Variants in MAGI2 observed in about 807,000 individuals in gnomAD.
MAGI2 encodes the protein membrane-associated guanylate kinase, WW and PDZ domain-containing protein 2.
A neutral mutation model predicts 133.3 loss-of-function variants in MAGI2; 35 were observed. The observed-to-expected ratio is 0.26, with a 90% CI of 0.20 to 0.35. The LOEUF (loss-of-function observed/expected upper bound fraction) is 0.35. MAGI2 is among the 10% of genes least tolerant of loss of function. The pLI is 1.00. For missense variants in MAGI2, 1,636 were observed against 1,863.4 expected (o/e 0.88, Z 2.25); for synonymous variants, 729 against 710.6 (o/e 1.03, Z -0.41).
intron 3 of MAGI2, among the ~76,000 whole-genome samples, chr7:78,587,937 T>C (rs1803593550): frequency 6.6e-6 from 1 of 152,360 alleles, no homozygotes; most frequent in African/African-American, 2.4e-5. Flanking sequence ...ACAAGATGGA[T>C]GTCTTGAAGA....
At chr7:78,280,894 G>A (rs1795504006) in intron 9 of MAGI2, among the ~76,000 whole-genome samples, 1 of 148,610 alleles carries the variant, frequency 6.7e-6, no homozygotes, top group African/African-American at 2.5e-5. Context: ...GCACAGCTCT[G>A]AAGCGTGTTG....
intron 2 of MAGI2, among the ~76,000 whole-genome samples, chr7:78,773,825 C>T (rs1256931808): frequency 6.6e-6 from 1 of 152,274 alleles, no homozygotes; most frequent in Non-Finnish European, 1.5e-5. Flanking sequence ...TGTGCTTCAT[C>T]TGAGATGTAA....
At position 79,453,661 on chromosome 7, in the gene MAGI2, C is replaced by T; in HGVS notation, c.-341G>A. 8.5e-6 allele frequency: 1 copy of T among 117,888 alleles called. No homozygotes were observed. Among genetic ancestry groups the T allele is most frequent in the South Asian group, 2.2e-4 (1 of 4,534 alleles). The allele number at this position is 117,888 out of a possible 1,614,324, so 7.3% of individuals were successfully genotyped here. On this transcript the variant is annotated 5_prime_UTR_variant, in exon 1 of 22. Transcript: ENST00000354212. ...AGCGAGCAGTAGCCGAGCTGGTGAG[C>T]GGGTGTGGTGGGGGTGGGGAAGGAG... is the stretch of plus-strand genomic sequence containing the variant.
intron 1 of MAGI2, among the ~76,000 whole-genome samples, chr7:79,265,440 C>A (rs991582769): frequency 1.3e-5 from 2 of 152,110 alleles, no homozygotes; most frequent in African/African-American, 4.8e-5. Flanking sequence ...CAAAGCAAAT[C>A]ATTATTAATA....
intron 20 of MAGI2, among the ~76,000 whole-genome samples, chr7:78,119,548 G>A (rs1820215107): frequency 9.6e-6 from 1 of 104,072 alleles, no homozygotes. Context: ...GTGACAGAGT[G>A]AGACTCCTCA....
chr7:78,355,566 T>G (rs1791988411), intron 7 of MAGI2, among the ~76,000 whole-genome samples: 1 of 152,238 alleles, frequency 6.6e-6, no homozygotes, highest in Non-Finnish European at 1.5e-5. Context: ...AAACATTTTC[T>G]GCAGATCTTA....
intron 1 of MAGI2, among the ~76,000 whole-genome samples, chr7:79,007,812 A>C (rs1807605484): frequency 6.6e-6 from 1 of 152,100 alleles, no homozygotes; most frequent in South Asian, 2.1e-4. Flanking sequence ...TACTCCTTTT[A>C]TGCAATAAAT....
chr7:78,481,573 C>G (rs1443775437), intron 6 of MAGI2, among the ~76,000 whole-genome samples: 2 of 151,724 alleles, frequency 1.3e-5, no homozygotes, highest in Non-Finnish European at 2.9e-5. Flanking sequence ...AAAATCAAGA[C>G]AGTGTGGTAC....
At chr7:78,231,657 G>T (rs1216464382) in intron 10 of MAGI2, among the ~76,000 whole-genome samples, 1 of 152,090 alleles carries the variant, frequency 6.6e-6, no homozygotes, top group South Asian at 2.1e-4. Flanking sequence ...CCTCAAGTTT[G>T]CTAACATAAA....
rs55784786 is a variant in MAGI2 at position 78,741,376 on chromosome 7, A to AACACAC, written c.419-114143_419-114138dup. 2.5e-3 allele frequency among the ~76,000 whole-genome samples: 297 copies of AACACAC among 117,534 alleles called. 4 individuals carry two copies. Among genetic ancestry groups the AACACAC allele is most frequent in the Middle Eastern group, 8.0e-3 (2 of 250 alleles). 77.1% of individuals were successfully genotyped at this position (117,534 alleles called of 152,430 possible). A position where few individuals can be genotyped will look rare whatever the true frequency, so the allele number is the denominator to read the frequency against. Reference sequence around the variant, plus strand: ...TGGAGGAATAGAAGAAAAAAGTTGAAACACACACACACACACACACACACA... The same window carrying AACACAC: ...TGGAGGAATAGAAGAAAAAAGTTGAAACACACACACACACACACACACACACACACA... On this transcript the variant is annotated intron_variant, in intron 2 of 21. Transcript: ENST00000354212.
intron 2 of MAGI2, among the ~76,000 whole-genome samples, chr7:78,682,504 AT>A (rs1815794920): frequency 6.6e-6 from 1 of 152,114 alleles, no homozygotes; most frequent in Non-Finnish European, 1.5e-5. Flanking sequence ...TTTGCTGAGA[AT>A]TATGGTTTCC....
intron 6 of MAGI2, among the ~76,000 whole-genome samples, chr7:78,423,236 G>C (rs1798961276): frequency 6.6e-6 from 1 of 152,092 alleles, no homozygotes; most frequent in South Asian, 2.1e-4. Flanking sequence ...AGCCTCACGA[G>C]ATCTGATGGT....
chr7:78,979,057 CAA>C (rs1173905895), intron 2 of MAGI2, among the ~76,000 whole-genome samples: 2 of 151,818 alleles, frequency 1.3e-5, no homozygotes, highest in African/African-American at 2.4e-5. Context: ...AGTAAAAACT[CAA>C]GTTTCATTTA....
chr7:78,507,831 G>A (rs934013301), intron 4 of MAGI2, among the ~76,000 whole-genome samples: 1 of 152,206 alleles, frequency 6.6e-6, no homozygotes, highest in Non-Finnish European at 1.5e-5. Context: ...AAGCTAGGCA[G>A]TGTACAGTCA....
chr7:78,444,789 C>T (rs1787968581), intron 6 of MAGI2, among the ~76,000 whole-genome samples: 1 of 149,162 alleles, frequency 6.7e-6, no homozygotes, highest in Non-Finnish European at 1.5e-5. Context: ...ACTGTATATA[C>T]ACATATATAT....
intron 20 of MAGI2, among the ~76,000 whole-genome samples, chr7:78,090,791 G>A (rs1463715539): frequency 6.6e-6 from 1 of 152,204 alleles, no homozygotes; most frequent in Non-Finnish European, 1.5e-5. Flanking sequence ...ACCAGCTGAG[G>A]AAGACACAGC....
chr7:78,693,019 G>A lies in MAGI2; in HGVS notation c.419-65780C>T, dbSNP rs1817130168. Among the ~76,000 whole-genome samples, 7 of 152,246 alleles carry A rather than the reference G, an allele frequency of 4.6e-5. No individual in the cohort carries two copies. In the South Asian group the frequency reaches 1.5e-3, roughly 32 times the overall value. ...CGCATCAGAGATCAGTATCTAGTGA[G>A]CAACATGTACGGTGAAAATCTGAAA... is the stretch of plus-strand genomic sequence containing the variant. On this transcript the variant is annotated intron_variant, in intron 2 of 21. Coordinates refer to ENST00000354212, the MANE Select transcript of MAGI2 (RefSeq NM_012301.4).
chr7:79,400,600 G>A (rs929815485), intron 1 of MAGI2, among the ~76,000 whole-genome samples: 2 of 152,078 alleles, frequency 1.3e-5, no homozygotes, highest in African/African-American at 4.8e-5. Context: ...TTCCTTAACT[G>A]ATTTTCAGAA....
At chr7:78,367,491 G>A (rs34061675) in intron 7 of MAGI2, among the ~76,000 whole-genome samples, 287 of 152,318 alleles carry the variant, frequency 1.9e-3, no homozygotes, top group Non-Finnish European at 3.1e-3. Context: ...TTATTGGAAC[G>A]TAGCTGATGT....
Sources: allele counts gnomAD v4.1 joint callset (sites outside exome capture counted in the v4.1 genomes callset), GRCh38; gene constraint gnomAD v4.1.1; transcripts MANE v1.5; gene names NCBI Gene and HGNC (gene_info 2026-07-23, HGNC 2026-07-21).